Variants in SLC28A1 observed in about 807,000 individuals in gnomAD.
The protein encoded by SLC28A1 is sodium/nucleoside cotransporter 1.
In SLC28A1, 64 loss-of-function variants were observed where a neutral mutation model predicts 74.8. The observed-to-expected ratio is 0.86, with a 90% CI of 0.70 to 1.05. The LOEUF (loss-of-function observed/expected upper bound fraction) is 1.05. Among genes scored for constraint, SLC28A1 ranks in the 50% least tolerant of loss-of-function variants. The pLI, the probability that SLC28A1 is intolerant of heterozygous loss-of-function variation, is 0.00. For synonymous variants in SLC28A1, 359 were observed against 335.0 expected (o/e 1.07, Z -0.78); for missense variants, 828 against 822.8 (o/e 1.01, Z -0.08).
At chr15:84,910,337 G>A (rs1026207014) in intron 9 of SLC28A1, among the ~76,000 whole-genome samples, 5 of 152,224 alleles carry the variant, frequency 3.3e-5, no homozygotes, top group African/African-American at 9.6e-5. Flanking sequence ...CAATGCGGGG[G>A]TACCCGAAGT....
chr15:84,895,311 C>T (rs1456728304), intron 6 of SLC28A1, 188 bp downstream of exon 6: 1 of 1,605,444 alleles, frequency 6.2e-7, no homozygotes, highest in Non-Finnish European at 8.5e-7. Flanking sequence ...TTCACCAGTT[C>T]TTAGTCCCAG....
chr15:84,941,639 T>C (rs1567189695), intron 15 of SLC28A1, among the ~76,000 whole-genome samples: 1 of 152,128 alleles, frequency 6.6e-6, no homozygotes, highest in Non-Finnish European at 1.5e-5. Flanking sequence ...ATTCCAACAC[T>C]TTGGGAGGCC....
At chr15:84,913,105 C>T (rs191571777) in intron 9 of SLC28A1, among the ~76,000 whole-genome samples, 4 of 152,208 alleles carry the variant, frequency 2.6e-5, no homozygotes, top group African/African-American at 9.6e-5. Flanking sequence ...AATCAGGAGG[C>T]GTAGCTAGGT....
chr15:84,896,258 A>G (rs1444330310), intron 6 of SLC28A1, among the ~76,000 whole-genome samples: 1 of 152,256 alleles, frequency 6.6e-6, no homozygotes, highest in East Asian at 1.9e-4. Context: ...TGTATGCAGA[A>G]TTACAACTCA....
chr15:84,923,938 G>A, intron 11 of SLC28A1, 47 bp from the exon 12 acceptor site: 1 of 1,613,454 alleles, frequency 6.2e-7, no homozygotes, highest in Non-Finnish European at 8.5e-7. Flanking sequence ...GAGAGGATGT[G>A]CCCAATCACC....
chr15:84,890,483 A>T lies in SLC28A1; in HGVS notation c.226A>T (p.Arg76Trp), dbSNP rs926557639. The T allele has an allele frequency of 6.8e-6, 11 of 1,611,094 alleles. No homozygotes were observed. The highest frequency in any genetic ancestry group is 1.3e-5 in the African/African-American group (1 of 74,898). ...QPALRARSFC[R>W]EHMQLFRWIG... ...AGCCCTGAGAGCCAGAAGCTTCTGCAGGGAGCACATGCAGCTGTTTCGATG... is the reference window on the plus strand; with the variant it reads ...AGCCCTGAGAGCCAGAAGCTTCTGCTGGGAGCACATGCAGCTGTTTCGATG... Residue 76 changes from arginine (R) to tryptophan (W), a missense_variant, in exon 5 of 19, where the codon AGG (arginine) becomes TGG (tryptophan). Arg to Trp is a moderately radical substitution (Grantham distance 101, BLOSUM62 -3). Coordinates refer to ENST00000394573, the MANE Select transcript of SLC28A1 (RefSeq NM_004213.5).
the SLC28A1 span, among the ~76,000 whole-genome samples, chr15:84,968,724 C>T: frequency 6.6e-5 from 10 of 152,346 alleles, no homozygotes; most frequent in South Asian, 2.1e-4. Flanking sequence ...ATCTTGAGAA[C>T]GATCTGTTGC....
Position 84,894,886 on chromosome 15 carries a change from G to T in SLC28A1, c.278-54G>T, listed in dbSNP as rs61602610. 1.9e-6 allele frequency: 3 copies of T among 1,567,372 alleles called. No homozygotes were observed. The East Asian group carries it at 6.7e-5, about 35-fold the overall frequency. The stretch of plus-strand genomic sequence containing the variant: ...TGGAGTCCGCGGGCGGGGCTGCAGG[G>T]TTCTGAAGAGGTGGTGTCCTGGCTG... On this transcript the variant is annotated intron_variant, in intron 5 of 18. Transcript: ENST00000394573.
At chr15:84,936,868 C>A (rs1016651904) in intron 15 of SLC28A1, among the ~76,000 whole-genome samples, 1 of 152,140 alleles carries the variant, frequency 6.6e-6, no homozygotes, top group African/African-American at 2.4e-5. Flanking sequence ...GCCTGGGCAA[C>A]ATAATGAGCC....
chr15:84,944,748 C>G lies in SLC28A1; in HGVS notation c.1763-8C>G, dbSNP rs1206418161. The stretch of plus-strand genomic sequence containing the variant: ...GGCCCTGCCCCACCCACCACTTTCC[C>G]TCTACAGGGATCCTCTACATGCCCA... On this transcript the variant is annotated splice_region_variant and splice_polypyrimidine_tract_variant and intron_variant, in intron 17 of 18. Coordinates refer to ENST00000394573, the MANE Select transcript of SLC28A1 (RefSeq NM_004213.5). 6.2e-7 allele frequency: 1 copy of G among 1,611,494 alleles called. No homozygotes were observed. Among genetic ancestry groups the G allele is most frequent in the African/African-American group, 1.3e-5 (1 of 74,882 alleles).
chr15:84,922,675 C>T (rs1969979612), intron 11 of SLC28A1, among the ~76,000 whole-genome samples: 1 of 152,208 alleles, frequency 6.6e-6, no homozygotes, highest in Non-Finnish European at 1.5e-5. Flanking sequence ...CAAGCGTGCC[C>T]CTCACCGTGG....
At chr15:84,971,837 C>T in the SLC28A1 span, among the ~76,000 whole-genome samples, 5 of 152,218 alleles carry the variant, frequency 3.3e-5, no homozygotes, top group East Asian at 3.9e-4. Context: ...TTTATAGAGA[C>T]GGGGTTTCAT....
chr15:84,911,379 C>A (rs1308598432), intron 9 of SLC28A1, among the ~76,000 whole-genome samples: 1 of 152,180 alleles, frequency 6.6e-6, no homozygotes, highest in Non-Finnish European at 1.5e-5. Flanking sequence ...TCCAGCCAAG[C>A]TCCAGACAGG....
intron 3 of SLC28A1, among the ~76,000 whole-genome samples, chr15:84,888,297 G>C (rs1224222011): frequency 2.0e-5 from 3 of 152,054 alleles, no homozygotes; most frequent in Admixed American, 1.3e-4. Flanking sequence ...AGCCTGGTAG[G>C]ATACCCTGCA....
chr15:84,896,787 G>C (rs1801360774), intron 6 of SLC28A1, among the ~76,000 whole-genome samples: 1 of 152,198 alleles, frequency 6.6e-6, no homozygotes, highest in African/African-American at 2.4e-5. Context: ...ATATTATTCA[G>C]TCATGAAAAG....
chr15:84,894,909 C>T, intron 5 of SLC28A1, 31 bp from the exon 6 acceptor site: 1 of 1,607,224 alleles, frequency 6.2e-7, no homozygotes, highest in Non-Finnish European at 8.5e-7. Flanking sequence ...GGTGTCCTGG[C>T]TGTTGACCCC....
chr15:84,952,753 G>A, the SLC28A1 span, among the ~76,000 whole-genome samples: 3 of 152,228 alleles, frequency 2.0e-5, no homozygotes, highest in East Asian at 1.9e-4. Context: ...GCCAGGTGTC[G>A]TGGTGCACGT....
At chr15:84,919,134 A>C (rs1397750237) in intron 10 of SLC28A1, among the ~76,000 whole-genome samples, 1 of 152,196 alleles carries the variant, frequency 6.6e-6, no homozygotes, top group African/African-American at 2.4e-5. Context: ...AAAGGTGTAG[A>C]GGGAAGAAAA....
rs769031024 is a variant in SLC28A1, at chr15:84,924,061, G to A, written c.1034G>A (p.Gly345Asp). The change falls in exon 12 of 19, where the codon GGT becomes GAT. Residue 345 changes from glycine to aspartate, a missense_variant. Gly to Asp is a moderately conservative substitution (Grantham distance 94). Around this residue, in one of 3 missense-constraint regions of SLC28A1, gnomAD observed 767 missense variants for 753.5 expected, o/e 1.02. Coordinates refer to ENST00000394573, the MANE Select transcript of SLC28A1 (RefSeq NM_004213.5). ...GAAGTCCACGTTGTCATGACCGGAG[G>A]TTACGCCACCATTGCTGGCAGCCTG... ...LSEVHVVMTG[G>D]YATIAGSLLG... The A allele has an allele frequency of 3.7e-6, 6 of 1,613,908 alleles. No homozygotes were observed. The highest frequency in any genetic ancestry group is 5.1e-6 in the Non-Finnish European group (6 of 1,179,974).
Sources: allele counts gnomAD v4.1 joint callset (sites outside exome capture counted in the v4.1 genomes callset), GRCh38; gene constraint gnomAD v4.1.1; regional missense constraint gnomAD v4.1.1; transcripts MANE v1.5; gene names NCBI Gene and HGNC (gene_info 2026-07-23, HGNC 2026-07-21).